PRKG1: variants seen among roughly 807,000 people sequenced by gnomAD.
The protein encoded by PRKG1 is protein kinase cGMP-dependent 1, also known as cGMP-dependent protein kinase 1.
PRKG1 carries 35 observed loss-of-function variants against 88.1 expected under a neutral mutation model. The ratio of observed to expected loss-of-function variants is 0.40; its 90% CI spans 0.30 to 0.53. The LOEUF (loss-of-function observed/expected upper bound fraction) is 0.53. Ranked by LOEUF, PRKG1 falls within the 20% of genes least tolerant of loss-of-function variation. The probability of loss-of-function intolerance (pLI) is 0.59; values close to 1 mark genes in which losing one functional copy is unlikely to be tolerated. For missense variants in PRKG1, 540 were observed against 839.8 expected (o/e 0.64, Z 4.41); for synonymous variants, 303 against 292.5 (o/e 1.04, Z -0.37).
At chr10:51,518,829 G>T (rs1269612755) in intron 3 of PRKG1, among the ~76,000 whole-genome samples, 1 of 152,138 alleles carries the variant, frequency 6.6e-6, no homozygotes, top group Non-Finnish European at 1.5e-5. Flanking sequence ...TTTAAAGGCT[G>T]GTCAAGAATG....
chr10:51,480,261 C>T (rs1183285509), intron 3 of PRKG1, among the ~76,000 whole-genome samples: 2 of 152,086 alleles, frequency 1.3e-5, no homozygotes, highest in Admixed American at 6.6e-5. Context: ...AGATACATTT[C>T]GTAAACTGAC....
intron 1 of PRKG1, among the ~76,000 whole-genome samples, chr10:51,126,030 T>C (rs1224329602): frequency 2.1e-4 from 26 of 124,786 alleles, no homozygotes; most frequent in African/African-American, 6.4e-4. Context: ...TTATATATAA[T>C]TATATCTAAT....
Position 51,074,548 on chromosome 10 carries a change from G to A in PRKG1, c.-43G>A, listed in dbSNP as rs778125438. ...CGGAGAGGGGAGGAAGCCTCAAGAC[G>A]CGGAGCAGCGGCAGGAAGGAGCCCC... On this transcript the variant is annotated 5_prime_UTR_variant, in exon 1 of 18. Coordinates refer to ENST00000373980, the MANE Select transcript of PRKG1 (RefSeq NM_006258.4). 2 of 1,581,012 alleles carry A rather than the reference G, an allele frequency of 1.3e-6. No homozygotes were observed. The highest frequency in any genetic ancestry group is 1.2e-5 in the South Asian group (1 of 85,784).
At chr10:52,250,298 G>A (rs1327352989) in intron 9 of PRKG1, among the ~76,000 whole-genome samples, 1 of 152,178 alleles carries the variant, frequency 6.6e-6, no homozygotes, top group Non-Finnish European at 1.5e-5. Context: ...GGAAAACAAT[G>A]TTGTTTTTAC....
intron 2 of PRKG1, among the ~76,000 whole-genome samples, chr10:51,335,202 C>T (rs753321735): frequency 8.6e-5 from 13 of 151,712 alleles, no homozygotes; most frequent in South Asian, 2.1e-4. Context: ...TTAGTGGAGA[C>T]GGGATTTCAC....
rs1212736778 is a variant in PRKG1 at position 52,052,521 on chromosome 10, G to A, written c.763-1963G>A. 2.6e-5 allele frequency among the ~76,000 whole-genome samples: 4 copies of A among 152,022 alleles called. No individual in the cohort carries two copies. The East Asian group carries it at 7.7e-4, about 29-fold the overall frequency. ...GGCTGTATTAGTTCATTCTCATACT[G>A]TTGGTAAAGACATCCCTAAGACTGG... On this transcript the variant is annotated intron_variant, in intron 5 of 17. Coordinates refer to ENST00000373980, the MANE Select transcript of PRKG1 (RefSeq NM_006258.4).
chr10:51,502,435 T>C (rs1407166061), intron 3 of PRKG1, among the ~76,000 whole-genome samples: 1 of 152,186 alleles, frequency 6.6e-6, no homozygotes, highest in Non-Finnish European at 1.5e-5. Flanking sequence ...TTTTCTGTCA[T>C]TAGAGAGCTG....
chr10:51,076,747 C>T (rs187088807), intron 1 of PRKG1, among the ~76,000 whole-genome samples: 9 of 152,178 alleles, frequency 5.9e-5, no homozygotes, highest in Admixed American at 5.2e-4. Context: ...AACAAACAAA[C>T]GAAAAAGGTC....
chr10:51,422,181 C>T (rs1312586800), intron 2 of PRKG1, among the ~76,000 whole-genome samples: 1 of 152,120 alleles, frequency 6.6e-6, no homozygotes, highest in East Asian at 1.9e-4. Context: ...CTCTATTTGC[C>T]CAAACAACCT....
At chr10:51,621,009 G>GTGTA (rs890337361) in intron 3 of PRKG1, among the ~76,000 whole-genome samples, 13 of 121,912 alleles carry the variant, frequency 1.1e-4, no homozygotes, top group African/African-American at 3.4e-4. Flanking sequence ...GTATATGTGT[G>GTGTA]TATATATATA....
At chr10:52,095,465 C>T (rs1847151486) in intron 7 of PRKG1, among the ~76,000 whole-genome samples, 3 of 152,052 alleles carry the variant, frequency 2.0e-5, no homozygotes, top group Admixed American at 2.0e-4. Context: ...ATTTTCACCT[C>T]CTAACTGTGC....
At chr10:51,083,050 A>G (rs944870108) in intron 1 of PRKG1, among the ~76,000 whole-genome samples, 23 of 152,086 alleles carry the variant, frequency 1.5e-4, no homozygotes, top group Non-Finnish European at 2.1e-4. Flanking sequence ...TTGAATTCCT[A>G]TTCTTTGGGG....
intron 1 of PRKG1, among the ~76,000 whole-genome samples, chr10:51,030,892 T>C (rs1013086614): frequency 6.6e-6 from 1 of 152,168 alleles, no homozygotes; most frequent in African/African-American, 2.4e-5. Context: ...ACCTCTTTTC[T>C]TTATAAATTA....
chr10:51,945,641 G>T (rs1470160225), intron 5 of PRKG1, among the ~76,000 whole-genome samples: 2 of 151,372 alleles, frequency 1.3e-5, no homozygotes, highest in African/African-American at 4.9e-5. Flanking sequence ...GCTCTTTTAG[G>T]GCAGGCCTGG....
chr10:52,079,036 A>C (rs991617378), intron 7 of PRKG1, among the ~76,000 whole-genome samples: 1 of 152,234 alleles, frequency 6.6e-6, no homozygotes, highest in Non-Finnish European at 1.5e-5. Flanking sequence ...TCTCAAATGC[A>C]TTAATTGCTC....
intron 1 of PRKG1, among the ~76,000 whole-genome samples, chr10:50,997,551 G>A (rs867625858): frequency 6.6e-6 from 1 of 152,096 alleles, no homozygotes; most frequent in East Asian, 1.9e-4. Flanking sequence ...CTTTTCTTTT[G>A]ATAAGATTTT....
At chr10:51,589,137 A>G (rs1452912421) in intron 3 of PRKG1, among the ~76,000 whole-genome samples, 2 of 152,136 alleles carry the variant, frequency 1.3e-5, no homozygotes, top group Non-Finnish European at 2.9e-5. Flanking sequence ...CTGGATATTC[A>G]TGAACTAGGT....
intron 7 of PRKG1, among the ~76,000 whole-genome samples, chr10:52,084,152 T>G (rs1846851537): frequency 6.6e-6 from 1 of 152,028 alleles, no homozygotes; most frequent in Non-Finnish European, 1.5e-5. Flanking sequence ...AGAAGATGAT[T>G]AGCAGTGCAT....
intron 9 of PRKG1, among the ~76,000 whole-genome samples, chr10:52,167,016 A>T (rs1158167212): frequency 6.6e-6 from 1 of 151,576 alleles, no homozygotes; most frequent in Non-Finnish European, 1.5e-5. Context: ...CTTATAGTGC[A>T]TTTTCAATTT....
Sources: gnomAD v4.1 joint callset for allele counts (sites outside exome capture counted in the v4.1 genomes callset) on GRCh38, gnomAD v4.1.1 for gene constraint, MANE v1.5 for transcripts, NCBI Gene and HGNC (gene_info 2026-07-23, HGNC 2026-07-21) for gene names.